The following ASIC2 variants were observed in gnomAD, a reference collection of about 807,000 sequenced individuals.
ASIC2 encodes the protein acid-sensing ion channel 2.
ASIC2 carries 25 observed loss-of-function variants against 57.3 expected under a neutral mutation model. That is an observed-to-expected ratio of 0.44 (90% CI 0.32 to 0.61). The LOEUF (loss-of-function observed/expected upper bound fraction) is 0.61, where lower values mean the gene tolerates loss of function less well. ASIC2 is among the 20% of genes least tolerant of loss of function. The pLI is 0.06. For synonymous variants in ASIC2, 319 were observed against 307.5 expected, an observed-to-expected ratio of 1.04 and a Z score of -0.39; for missense variants, 641 against 738.1, an observed-to-expected ratio of 0.87 and a Z score of 1.52.
intron 1 of ASIC2, among the ~76,000 whole-genome samples, chr17:33,410,445 A>T (rs372658072): frequency 6.6e-6 from 1 of 152,196 alleles, no homozygotes; most frequent in Non-Finnish European, 1.5e-5. Context: ...GAAAAAAATT[A>T]ATAATCCAGC....
intron 1 of ASIC2, among the ~76,000 whole-genome samples, chr17:34,082,420 T>C (rs1227474618): frequency 6.6e-6 from 1 of 152,360 alleles, no homozygotes; most frequent in Admixed American, 6.5e-5. Context: ...TGTGACATTT[T>C]AGTAAAATAA....
intron 1 of ASIC2, among the ~76,000 whole-genome samples, chr17:33,382,660 A>G (rs900611194): frequency 1.3e-4 from 20 of 152,216 alleles, no homozygotes; most frequent in Non-Finnish European, 2.8e-4. Flanking sequence ...GAGTTTGACT[A>G]TCCTTGTTTT....
chr17:33,552,609 T>G (rs2347547), intron 1 of ASIC2, among the ~76,000 whole-genome samples: 1 of 152,216 alleles, frequency 6.6e-6, no homozygotes, highest in East Asian at 1.9e-4. Flanking sequence ...AAGGCTGCCA[T>G]GAGTGAGGGT....
intron 1 of ASIC2, among the ~76,000 whole-genome samples, chr17:33,159,641 A>AGTTAG (rs1419797717): frequency 2.6e-5 from 4 of 152,160 alleles, no homozygotes; most frequent in Non-Finnish European, 5.9e-5. Flanking sequence ...TCCTAACGAA[A>AGTTAG]GTGCCTTGAA....
chr17:33,039,290 C>A (rs2141915781), intron 3 of ASIC2, among the ~76,000 whole-genome samples: 1 of 152,308 alleles, frequency 6.6e-6, no homozygotes, highest in African/African-American at 2.4e-5. Context: ...TTGGGGGTAT[C>A]CCTGAGGGTT....
intron 1 of ASIC2, among the ~76,000 whole-genome samples, chr17:33,114,083 T>C (rs1259716651): frequency 1.3e-5 from 2 of 152,178 alleles, no homozygotes; most frequent in African/African-American, 4.8e-5. Flanking sequence ...TAGGAAGGGG[T>C]AGTGAAACAT....
At chr17:33,953,775 G>C (rs1041842783) in intron 1 of ASIC2, among the ~76,000 whole-genome samples, 8 of 152,168 alleles carry the variant, frequency 5.3e-5, no homozygotes, top group African/African-American at 1.7e-4. Flanking sequence ...GCTTGGACGG[G>C]AGAATGTGTC....
chr17:33,660,964 G>A (rs1380042268), intron 1 of ASIC2, among the ~76,000 whole-genome samples: 1 of 152,164 alleles, frequency 6.6e-6, no homozygotes, highest in African/African-American at 2.4e-5. Flanking sequence ...TTAACCTTGA[G>A]CTCAGCCTCC....
In ASIC2 at chr17:33,665,117, T is replaced by G. The variant is rs142099307; in HGVS notation, c.555+490861A>C. ...TACCCAAGGTCACACGATTCCTCAA[T>G]TTCTGGGCTCAGACCGTGAAGGCAG... On this transcript the variant is annotated intron_variant, in intron 1 of 9. Coordinates refer to the ASIC2 transcript ENST00000359872. Among the ~76,000 whole-genome samples, 431 of 152,276 alleles carry G rather than the reference T, an allele frequency of 2.8e-3. 4 individuals carry two copies. Among genetic ancestry groups the G allele is most frequent in the African/African-American group, 9.7e-3 (402 of 41,556 alleles).
intron 1 of ASIC2, among the ~76,000 whole-genome samples, chr17:33,908,724 A>G (rs771375654): frequency 6.6e-6 from 1 of 152,230 alleles, no homozygotes; most frequent in Non-Finnish European, 1.5e-5. Flanking sequence ...TTCACAGATT[A>G]AATAACTGAT....
At position 34,039,909 on chromosome 17, in the gene ASIC2, C is replaced by T. The variant is rs1597988427; in HGVS notation, c.555+116069G>A. The T allele has an allele frequency of 1.5e-5, 23 of 1,555,530 alleles. No homozygotes were observed. The South Asian group carries it at 2.2e-4, about 15-fold the overall frequency. ...CCGCCGCCGCTGCCGCTCCACGCTCCTCCCTGGAGGGACCCCGACCCGACC... is the reference window on the plus strand; with the variant it reads ...CCGCCGCCGCTGCCGCTCCACGCTCTTCCCTGGAGGGACCCCGACCCGACC... On this transcript the variant is annotated intron_variant, in intron 1 of 9. Coordinates refer to the ASIC2 transcript ENST00000359872.
chr17:33,314,435 A>G (rs1906559359), intron 1 of ASIC2, among the ~76,000 whole-genome samples: 1 of 152,214 alleles, frequency 6.6e-6, no homozygotes, highest in African/African-American at 2.4e-5. Flanking sequence ...TGCGGATTCC[A>G]GCAAAAGAAT....
At chr17:33,945,757 C>T (rs1264827888) in intron 1 of ASIC2, among the ~76,000 whole-genome samples, 5 of 152,162 alleles carry the variant, frequency 3.3e-5, no homozygotes, top group Non-Finnish European at 2.9e-5. Context: ...CAGCTCCCCA[C>T]AAAAATACAT....
chr17:33,552,161 G>A (rs1915770556), intron 1 of ASIC2, among the ~76,000 whole-genome samples: 1 of 152,206 alleles, frequency 6.6e-6, no homozygotes, highest in South Asian at 2.1e-4. Context: ...AAGGGGCCCT[G>A]AAAGGGAAAG....
At chr17:34,004,188 G>GAAGGAAAAGGAA (rs113273130) in intron 1 of ASIC2, 9 of 152,074 alleles carry the variant, frequency 5.9e-5, no homozygotes, top group African/African-American at 2.2e-4. Flanking sequence ...GGAGATGGGA[G>GAAGGAAAAGGAA]AAGGAAAAGG....
At chr17:33,396,076 C>G (rs1397887007) in intron 1 of ASIC2, among the ~76,000 whole-genome samples, 2 of 152,158 alleles carry the variant, frequency 1.3e-5, no homozygotes, top group East Asian at 3.9e-4. Context: ...TTTTCCCTAC[C>G]TAAACAGACC....
chr17:33,641,619 C>T (rs984588745), intron 1 of ASIC2, among the ~76,000 whole-genome samples: 1 of 152,210 alleles, frequency 6.6e-6, no homozygotes, highest in African/African-American at 2.4e-5. Context: ...GAGTGTGCCT[C>T]ACTTTATCAT....
chr17:33,539,342 C>T (rs533702982), intron 1 of ASIC2, among the ~76,000 whole-genome samples: 16 of 152,352 alleles, frequency 1.1e-4, no homozygotes, highest in East Asian at 3.9e-4. Context: ...CTGCCATTGG[C>T]GCCTGCTTTT....
chr17:33,584,148 T>A (rs1904536514), intron 1 of ASIC2, among the ~76,000 whole-genome samples: 1 of 152,206 alleles, frequency 6.6e-6, no homozygotes, highest in Admixed American at 6.5e-5. Context: ...TCATAAACAC[T>A]GGATAATAAA....
Sources: gnomAD v4.1 joint callset for allele counts (sites outside exome capture counted in the v4.1 genomes callset) on GRCh38, gnomAD v4.1.1 for gene constraint, MANE v1.5 for transcripts, NCBI Gene and HGNC (gene_info 2026-07-23, HGNC 2026-07-21) for gene names.